The following PTPRZ1 variants were observed in gnomAD, a reference collection of about 807,000 sequenced individuals.
The protein encoded by PTPRZ1 is receptor-type tyrosine-protein phosphatase zeta.
A neutral mutation model predicts 214.1 loss-of-function variants in PTPRZ1; 82 were observed. The ratio of observed to expected loss-of-function variants is 0.38; its 90% CI spans 0.32 to 0.46. The LOEUF is 0.46. PTPRZ1 is among the 20% of genes least tolerant of loss of function. The pLI is 1.00. For missense variants in PTPRZ1, 2,603 were observed against 2,748.7 expected, an observed-to-expected ratio of 0.95 and a Z score of 1.19; for synonymous variants, 945 against 987.9, an observed-to-expected ratio of 0.96 and a Z score of 0.81.
intron 1 of PTPRZ1, among the ~76,000 whole-genome samples, chr7:121,887,161 A>G (rs1181510778): frequency 6.6e-6 from 1 of 152,172 alleles, no homozygotes; most frequent in Non-Finnish European, 1.5e-5. Flanking sequence ...CCATGACTGT[A>G]TCTTCAAGGA....
intron 14 of PTPRZ1, among the ~76,000 whole-genome samples, chr7:122,030,871 T>C (rs1799349427): frequency 6.6e-6 from 1 of 152,064 alleles, no homozygotes; most frequent in Non-Finnish European, 1.5e-5. Context: ...ACATAGCATA[T>C]TTTCAAGTTA....
At chr7:121,906,978 CA>C (rs1223751989) in intron 1 of PTPRZ1, among the ~76,000 whole-genome samples, 1 of 152,066 alleles carries the variant, frequency 6.6e-6, no homozygotes, top group Non-Finnish European at 1.5e-5. Context: ...AGATTTTTCA[CA>C]GAACAAGATT....
chr7:121,925,327 G>T (rs1018965355), intron 1 of PTPRZ1, among the ~76,000 whole-genome samples: 1 of 152,206 alleles, frequency 6.6e-6, no homozygotes, highest in African/African-American at 2.4e-5. Flanking sequence ...TAAATAACTA[G>T]CATTTTATGG....
intron 1 of PTPRZ1, among the ~76,000 whole-genome samples, chr7:121,880,239 T>G (rs1438542033): frequency 6.6e-6 from 1 of 152,212 alleles, no homozygotes; most frequent in Non-Finnish European, 1.5e-5. Flanking sequence ...CCTTATTCAA[T>G]AAGTACAAGT....
At chr7:121,876,896 C>T (rs973937915) in intron 1 of PTPRZ1, among the ~76,000 whole-genome samples, 2 of 152,112 alleles carry the variant, frequency 1.3e-5, no homozygotes, top group Admixed American at 1.3e-4. Context: ...TTTCTGGAAG[C>T]ATAAGCTGCG....
At chr7:121,890,880 G>T (rs1051535962) in intron 1 of PTPRZ1, among the ~76,000 whole-genome samples, 1 of 151,384 alleles carries the variant, frequency 6.6e-6, no homozygotes, top group African/African-American at 2.4e-5. Context: ...ATTTATCTAT[G>T]TTGTCTGGGC....
chr7:121,981,529 G>A (rs749392200), intron 6 of PTPRZ1, among the ~76,000 whole-genome samples: 2 of 152,182 alleles, frequency 1.3e-5, no homozygotes, highest in Non-Finnish European at 2.9e-5. Context: ...GATCTCACTG[G>A]TAAGTAGATT....
At chr7:122,026,226 C>T (rs1184053816) in intron 13 of PTPRZ1, among the ~76,000 whole-genome samples, 1 of 152,106 alleles carries the variant, frequency 6.6e-6, no homozygotes, top group Non-Finnish European at 1.5e-5. Context: ...TCAAACTGGA[C>T]CTTCTTAACC....
chr7:121,908,045 T>A (rs571346740), intron 1 of PTPRZ1, among the ~76,000 whole-genome samples: 8 of 152,198 alleles, frequency 5.3e-5, no homozygotes, highest in African/African-American at 1.9e-4. Context: ...ATTGAACCAA[T>A]GATTTTAATT....
chr7:121,968,630 C>T (rs1797117750), intron 3 of PTPRZ1, among the ~76,000 whole-genome samples: 1 of 140,338 alleles, frequency 7.1e-6, no homozygotes. Flanking sequence ...TTTATTGAGC[C>T]TATCTTTTTT....
chr7:121,873,577 TG>T lies in PTPRZ1; in HGVS notation c.58+24del. 1 of 1,612,942 alleles carries T rather than the reference TG, an allele frequency of 6.2e-7. No individual in the cohort carries two copies. The highest frequency in any genetic ancestry group is 8.5e-7 in the Non-Finnish European group (1 of 1,179,782). ...GCCTGGGTGAGTGAGAAGAGCTCGG[TG>T]GGGTTTCAGCTCCGGGATCGGTGGG... is the stretch of plus-strand genomic sequence containing the variant. On this transcript the variant is annotated intron_variant, in intron 1 of 29. Coordinates refer to ENST00000393386, the MANE Select transcript of PTPRZ1 (RefSeq NM_002851.3).
At chr7:122,023,523 T>TCA (rs1554364789) in intron 13 of PTPRZ1, among the ~76,000 whole-genome samples, 1 of 113,220 alleles carries the variant, frequency 8.8e-6, no homozygotes, top group Non-Finnish European at 1.7e-5. Context: ...TTATATATAA[T>TCA]TATATATATA....
At chr7:122,057,649 TTTTTTTTTTTGTC>T (rs1488567119) in intron 27 of PTPRZ1, among the ~76,000 whole-genome samples, 1 of 150,478 alleles carries the variant, frequency 6.6e-6, no homozygotes, top group East Asian at 1.9e-4. Flanking sequence ...GTGATTCTTT[TTTTTTTTTTTGTC>T]TTTTTTTTTG....
chr7:122,029,133 A>G (rs902486925), intron 14 of PTPRZ1, among the ~76,000 whole-genome samples: 1 of 151,860 alleles, frequency 6.6e-6, no homozygotes, highest in African/African-American at 2.4e-5. Flanking sequence ...GAAAAGATCT[A>G]TAAAATTGTG....
At chr7:122,028,160 A>G (rs550568146) in intron 13 of PTPRZ1, 1 of 164,158 alleles carries the variant, frequency 6.1e-6, no homozygotes, top group Admixed American at 6.1e-5. Flanking sequence ...ATGGCTTTGG[A>G]CATTATTTCT....
intron 2 of PTPRZ1, among the ~76,000 whole-genome samples, chr7:121,945,428 A>T (rs1198547097): frequency 6.6e-6 from 1 of 152,256 alleles, no homozygotes; most frequent in Non-Finnish European, 1.5e-5. Context: ...TTTGAAGATC[A>T]AGCCATTGTC....
At chr7:121,932,118 C>T (rs1288818050) in intron 2 of PTPRZ1, among the ~76,000 whole-genome samples, 1 of 152,096 alleles carries the variant, frequency 6.6e-6, no homozygotes, top group African/African-American at 2.4e-5. Context: ...TACAACCCTT[C>T]GTTTAGCTCA....
At chr7:122,044,604 A>G in intron 23 of PTPRZ1, 36 bp downstream of exon 23, 1 of 1,602,254 alleles carries the variant, frequency 6.2e-7, no homozygotes, top group Non-Finnish European at 8.5e-7. Flanking sequence ...ATGTCACTAC[A>G]GAACTGAATG....
intron 27 of PTPRZ1, 102 bp from the exon 28 acceptor site, chr7:122,058,698 C>T: frequency 2.1e-6 from 2 of 942,092 alleles, no homozygotes; most frequent in South Asian, 3.6e-5. Flanking sequence ...TCATGCCTGC[C>T]ATTGGGTTTT....
Sources: gnomAD v4.1 joint callset for allele counts (sites outside exome capture counted in the v4.1 genomes callset) on GRCh38, gnomAD v4.1.1 for gene constraint, MANE v1.5 for transcripts, NCBI Gene and HGNC (gene_info 2026-07-23, HGNC 2026-07-21) for gene names.